The following ZNF148 variants were observed in gnomAD, a reference collection of about 807,000 sequenced individuals.
ZNF148 encodes the protein zinc finger protein 148.
In ZNF148, 7 loss-of-function variants were observed where a neutral mutation model predicts 67.7. The observed-to-expected ratio is 0.10, with a 90% CI of 0.06 to 0.19. The LOEUF is 0.19. Ranked by LOEUF, ZNF148 falls within the 10% of genes least tolerant of loss-of-function variation. The pLI, the probability that ZNF148 is intolerant of heterozygous loss-of-function variation, is 1.00. For missense variants in ZNF148, 583 were observed against 947.1 expected (o/e 0.62, Z 5.05); for synonymous variants, 333 against 330.7 (o/e 1.01, Z -0.08).
chr3:125,262,103 G>T (rs1937371036), intron 7 of ZNF148, among the ~76,000 whole-genome samples: 1 of 152,062 alleles, frequency 6.6e-6, no homozygotes, highest in Non-Finnish European at 1.5e-5. Flanking sequence ...TGTTAATGCT[G>T]ATCTGCAATG....
intron 1 of ZNF148, among the ~76,000 whole-genome samples, chr3:125,358,083 G>C (rs1437224613): frequency 6.6e-6 from 1 of 152,174 alleles, no homozygotes; most frequent in Non-Finnish European, 1.5e-5. Context: ...AGGCTGAGGC[G>C]AGCGGATCAC....
intron 7 of ZNF148, among the ~76,000 whole-genome samples, chr3:125,242,273 G>C (rs1936399469): frequency 1.3e-5 from 2 of 152,176 alleles, no homozygotes; most frequent in Admixed American, 6.5e-5. Context: ...ACTCCGATCT[G>C]CTCATATTTT....
chr3:125,264,999 T>C (rs1384606419), intron 7 of ZNF148, among the ~76,000 whole-genome samples: 2 of 152,160 alleles, frequency 1.3e-5, no homozygotes, highest in Non-Finnish European at 2.9e-5. Context: ...TAACTCTCAG[T>C]TCAAAAGAGT....
At chr3:125,288,811 C>G (rs1358424684) in intron 4 of ZNF148, among the ~76,000 whole-genome samples, 1 of 152,158 alleles carries the variant, frequency 6.6e-6, no homozygotes, top group Admixed American at 6.5e-5. Flanking sequence ...GGCTCTACAA[C>G]AGACCATCAC....
chr3:125,234,735 C>CT (rs1267134117), intron 7 of ZNF148, among the ~76,000 whole-genome samples: 4 of 152,054 alleles, frequency 2.6e-5, no homozygotes, highest in African/African-American at 9.7e-5. Flanking sequence ...AACTCAATTC[C>CT]TTTTTTAAAA....
chr3:125,305,789 G>T (rs1345125852), intron 4 of ZNF148, among the ~76,000 whole-genome samples: 2 of 147,144 alleles, frequency 1.4e-5, no homozygotes, highest in Non-Finnish European at 3.0e-5. Context: ...CACCAGCACG[G>T]GCAAAAAAAA....
chr3:125,271,061 C>A (rs533603779), intron 7 of ZNF148, among the ~76,000 whole-genome samples: 1 of 152,230 alleles, frequency 6.6e-6, no homozygotes, highest in African/African-American at 2.4e-5. Context: ...AAATATTATA[C>A]AATTTTCTTC....
rs1935755112 is a variant in ZNF148 at position 125,229,238 on chromosome 3, C to A, written c.*3103G>T. 2 of 147,540 alleles carry A rather than the reference C, an allele frequency of 1.4e-5. No homozygotes were observed. Among genetic ancestry groups the A allele is most frequent in the African/African-American group, 2.5e-5 (1 of 39,812 alleles). The allele number at this position is 147,540 out of a possible 1,614,324, so 9.1% of individuals were successfully genotyped here. A position where few individuals can be genotyped will look rare whatever the true frequency, so the allele number is the denominator to read the frequency against. On this transcript the variant is annotated 3_prime_UTR_variant, in exon 9 of 9. Coordinates refer to ENST00000360647, the MANE Select transcript of ZNF148 (RefSeq NM_021964.3). ...TTTTTTTTAAACAGCCCTTTAAAAA[C>A]CCAAATTAATCAAATGAAAGAAGCG...
intron 7 of ZNF148, 40 bp from the exon 8 acceptor site, chr3:125,234,369 T>C: frequency 7.5e-7 from 1 of 1,338,466 alleles, no homozygotes. Flanking sequence ...AAACAAATAT[T>C]GTAAAATAAT....
At chr3:125,262,922 T>C (rs1175996102) in intron 7 of ZNF148, among the ~76,000 whole-genome samples, 3 of 152,220 alleles carry the variant, frequency 2.0e-5, no homozygotes, top group African/African-American at 4.8e-5. Context: ...TGAAAGGCCA[T>C]AAACTTTAAA....
intron 3 of ZNF148, among the ~76,000 whole-genome samples, chr3:125,322,409 G>A (rs926590791): frequency 6.6e-6 from 1 of 151,822 alleles, no homozygotes; most frequent in South Asian, 2.1e-4. Flanking sequence ...TTCTTATGCA[G>A]TAATAAAAAT....
At chr3:125,351,041 G>A (rs577403927) in intron 1 of ZNF148, among the ~76,000 whole-genome samples, 2 of 152,030 alleles carry the variant, frequency 1.3e-5, no homozygotes, top group East Asian at 1.9e-4. Flanking sequence ...GATGAGGGGA[G>A]GTAGAAATGA....
At chr3:125,252,321 T>G (rs956495270) in intron 7 of ZNF148, among the ~76,000 whole-genome samples, 2 of 152,152 alleles carry the variant, frequency 1.3e-5, no homozygotes, top group Non-Finnish European at 2.9e-5. Flanking sequence ...AGTTGTGACA[T>G]TATTCTCTGA....
chr3:125,287,875 G>C (rs918139204), intron 5 of ZNF148, among the ~76,000 whole-genome samples: 2 of 152,142 alleles, frequency 1.3e-5, no homozygotes, highest in East Asian at 3.8e-4. Flanking sequence ...ATCCGATAGA[G>C]ATATGGAAAA....
At chr3:125,321,441 T>C (rs1940767408) in intron 3 of ZNF148, among the ~76,000 whole-genome samples, 1 of 152,084 alleles carries the variant, frequency 6.6e-6, no homozygotes, top group Non-Finnish European at 1.5e-5. Flanking sequence ...AAAAATAATT[T>C]ATAAATATTT....
intron 4 of ZNF148, chr3:125,310,784 C>A (rs977233419): frequency 1.3e-5 from 2 of 153,124 alleles, no homozygotes; most frequent in African/African-American, 4.8e-5. Flanking sequence ...TGAAAAAGTT[C>A]TAGAGATCTG....
rs200090083 is a variant in ZNF148 at position 125,337,938 on chromosome 3, C to CA, written c.-233-6701dup. ...AGAACATAGTGAGACCCCAGCTCTA[C>CA]AAAAAAAAAAAATTTTTTTTGTTAG... On this transcript the variant is annotated intron_variant, in intron 1 of 8. Transcript: ENST00000360647. Among the ~76,000 whole-genome samples the CA allele has an allele frequency of 4.9e-4, 71 of 144,308 alleles. 1 individual carries two copies. The highest frequency in any genetic ancestry group is 1.3e-3 in the South Asian group (6 of 4,608). 94.7% of individuals were successfully genotyped at this position (144,308 alleles called of 152,430 possible). A position where few individuals can be genotyped will look rare whatever the true frequency, so the allele number is the denominator to read the frequency against.
In ZNF148 at chr3:125,271,444, T is replaced by C. The variant is rs189033203; in HGVS notation, c.667+6282A>G. Among the ~76,000 whole-genome samples the C allele has an allele frequency of 1.8e-3, 272 of 152,326 alleles. 1 individual carries two copies. Among genetic ancestry groups the C allele is most frequent in the Admixed American group, 0.016 (242 of 15,304 alleles). The stretch of plus-strand genomic sequence containing the variant: ...GCCAGGTTCAGTACTGGCTTTGCCC[T>C]TACCTGAACAAAATAAAAATCTCCC... On this transcript the variant is annotated intron_variant, in intron 7 of 8. Transcript: ENST00000360647.
chr3:125,281,929 T>C (rs1185785758), intron 5 of ZNF148, among the ~76,000 whole-genome samples: 1 of 152,196 alleles, frequency 6.6e-6, no homozygotes, highest in Non-Finnish European at 1.5e-5. Context: ...GTTTTAAATA[T>C]ATCCAACTGA....
Sources: allele counts gnomAD v4.1 joint callset (sites outside exome capture counted in the v4.1 genomes callset), GRCh38; gene constraint gnomAD v4.1.1; transcripts MANE v1.5; gene names NCBI Gene and HGNC (gene_info 2026-07-23, HGNC 2026-07-21).